The following GREB1 variants were observed in gnomAD, a reference collection of about 807,000 sequenced individuals.
GREB1 encodes protein GREB1.
A neutral mutation model predicts 200.7 loss-of-function variants in GREB1; 106 were observed. The ratio of observed to expected loss-of-function variants is 0.53; its 90% CI spans 0.45 to 0.62. The LOEUF (loss-of-function observed/expected upper bound fraction) is 0.62, where lower values mean the gene tolerates loss of function less well. Ranked by LOEUF, GREB1 falls within the 20% of genes least tolerant of loss-of-function variation. The probability of loss-of-function intolerance (pLI) is 0.00; values close to 1 mark genes in which losing one functional copy is unlikely to be tolerated. For synonymous variants in GREB1, 1,132 were observed against 1,092.4 expected, an observed-to-expected ratio of 1.04 and a Z score of -0.72; for missense variants, 2,243 against 2,556.8, an observed-to-expected ratio of 0.88 and a Z score of 2.65.
intron 1 of GREB1, among the ~76,000 whole-genome samples, chr2:11,552,752 C>A: frequency 6.6e-6 from 1 of 152,308 alleles, no homozygotes; most frequent in South Asian, 2.1e-4. Flanking sequence ...TGGCTCACGC[C>A]TGTAATCCCA....
intron 1 of GREB1, among the ~76,000 whole-genome samples, chr2:11,506,062 T>C (rs1050061175): frequency 4.6e-5 from 7 of 152,178 alleles, no homozygotes; most frequent in African/African-American, 1.7e-4. Context: ...CTGTTGCGTT[T>C]GTTTATTGCT....
Position 11,592,837 on chromosome 2 carries a change from G to C in GREB1, c.1407G>C (p.Glu469Asp), listed in dbSNP as rs1450503587. Reference protein sequence around the residue: ...LEQIFLRSWRESHLTEIRQYQ... With the variant: ...LEQIFLRSWRDSHLTEIRQYQ... ...AGATCTTCCTGCGCTCTTGGCGCGA[G>C]TCGCACCTGACCGAGATCCGGCAGT... is the stretch of plus-strand genomic sequence containing the variant. The change falls in exon 11 of 33, where the codon GAG (glutamate) becomes GAC (aspartate). Residue 469 changes from glutamate (E) to aspartate (D), a missense_variant. Transcript: ENST00000381486. The C allele has an allele frequency of 1.3e-5, 20 of 1,595,896 alleles. No homozygotes were observed. The highest frequency in any genetic ancestry group is 1.7e-5 in the Non-Finnish European group (20 of 1,174,412).
chr2:11,596,084 C>G (rs1681180975), intron 12 of GREB1, 27 bp from the exon 13 acceptor site: 9 of 1,602,158 alleles, frequency 5.6e-6, no homozygotes, highest in Non-Finnish European at 7.7e-6. Context: ...ACATCAAAAA[C>G]CCATTTGTTT....
At chr2:11,589,643 C>T (rs914224231) in intron 10 of GREB1, among the ~76,000 whole-genome samples, 9 of 152,188 alleles carry the variant, frequency 5.9e-5, no homozygotes, top group Non-Finnish European at 8.8e-5. Flanking sequence ...GCCACCCTGG[C>T]GGCTATGTGG....
At chr2:11,588,677 G>A in intron 9 of GREB1, 69 bp from the exon 10 acceptor site, 1 of 1,406,448 alleles carries the variant, frequency 7.1e-7, no homozygotes. Flanking sequence ...CACCCCCAGA[G>A]AACCCACATG....
intron 15 of GREB1, among the ~76,000 whole-genome samples, 195 bp from the exon 16 acceptor site, chr2:11,600,605 G>A (rs901397808): frequency 1.1e-4 from 16 of 152,124 alleles, no homozygotes; most frequent in African/African-American, 2.9e-4. Context: ...CCTAAGTAAC[G>A]AATCTCAGGA....
At chr2:11,509,804 T>C (rs772925992) in intron 1 of GREB1, among the ~76,000 whole-genome samples, 4 of 152,208 alleles carry the variant, frequency 2.6e-5, no homozygotes, top group African/African-American at 4.8e-5. Context: ...CACCAGACAC[T>C]GAGTCTGCTG....
chr2:11,498,219 G>A (rs1672940067), intron 1 of GREB1, among the ~76,000 whole-genome samples: 1 of 151,772 alleles, frequency 6.6e-6, no homozygotes, highest in African/African-American at 2.4e-5. Context: ...TTCCAGAAGT[G>A]TTATAGTTTT....
Position 11,642,730 on chromosome 2 carries a change from C to G in GREB1, c.*2276C>G, listed in dbSNP as rs1393990373. 6.6e-6 allele frequency: 1 copy of G among 152,068 alleles called. No homozygotes were observed. Among genetic ancestry groups the G allele is most frequent in the Non-Finnish European group, 1.5e-5 (1 of 68,038 alleles). The allele number at this position is 152,068 out of a possible 1,614,324, so 9.4% of individuals were successfully genotyped here. A position where few individuals can be genotyped will look rare whatever the true frequency, so the allele number is the denominator to read the frequency against. ...ATTAGTTAATTTAAATTGGAAAAAA[C>G]CCTCAAACTAATATTCTTGTCTGTT... On this transcript the variant is annotated 3_prime_UTR_variant, in exon 33 of 33. Coordinates refer to ENST00000381486, the MANE Select transcript of GREB1 (RefSeq NM_014668.4).
At chr2:11,606,718 A>AATC (rs984557324) in intron 17 of GREB1, among the ~76,000 whole-genome samples, 2 of 151,246 alleles carry the variant, frequency 1.3e-5, no homozygotes, top group African/African-American at 4.9e-5. Context: ...CAAATGTGAC[A>AATC]ATCTCTGCCT....
At chr2:11,504,044 AATATACTGTAAT>A (rs1673115229) in intron 1 of GREB1, among the ~76,000 whole-genome samples, 1 of 152,228 alleles carries the variant, frequency 6.6e-6, no homozygotes, top group African/African-American at 2.4e-5. Context: ...CAATTATAGC[AATATACTGTAAT>A]AAAAGTTAAG....
chr2:11,595,959 T>G (rs1681170293), intron 12 of GREB1, 152 bp from the exon 13 acceptor site: 5 of 662,268 alleles, frequency 7.5e-6, no homozygotes, highest in Non-Finnish European at 1.3e-5. Context: ...TCATCCTGAC[T>G]AGGCTGAGAC....
At chr2:11,636,799 G>C (rs1406200917) in intron 30 of GREB1, among the ~76,000 whole-genome samples, 1 of 146,442 alleles carries the variant, frequency 6.8e-6, no homozygotes. Context: ...CATGGGCAGG[G>C]GCAGAGGCAG....
intron 1 of GREB1, among the ~76,000 whole-genome samples, chr2:11,544,880 T>C (rs1343795927): frequency 3.9e-5 from 6 of 152,196 alleles, no homozygotes; most frequent in Non-Finnish European, 2.9e-5. Flanking sequence ...AGTAGTGCGT[T>C]CTCAGCTCAC....
intron 17 of GREB1, among the ~76,000 whole-genome samples, chr2:11,609,469 A>T (rs1056194740): frequency 6.6e-6 from 1 of 151,998 alleles, no homozygotes; most frequent in Non-Finnish European, 1.5e-5. Flanking sequence ...GGGTTTCATC[A>T]TGTTGGCCAG....
intron 1 of GREB1, among the ~76,000 whole-genome samples, chr2:11,509,546 A>G (rs780798509): frequency 1.1e-4 from 17 of 152,110 alleles, no homozygotes; most frequent in Non-Finnish European, 2.1e-4. Flanking sequence ...TATTATACCA[A>G]TTATCCAGTT....
chr2:11,585,146 C>T lies in GREB1; in HGVS notation c.902-15C>T. The stretch of plus-strand genomic sequence containing the variant: ...TCCTGGTGATAGCCTAATCCACACT[C>T]TGAATATTGTCTAGGTATCTTGTCA... On this transcript the variant is annotated splice_polypyrimidine_tract_variant and intron_variant, in intron 7 of 32. Transcript: ENST00000381486. 1.4e-6 allele frequency: 2 copies of T among 1,471,754 alleles called. No homozygotes were observed. Among genetic ancestry groups the T allele is most frequent in the Non-Finnish European group, 1.8e-6 (2 of 1,084,536 alleles). 91.2% of individuals were successfully genotyped at this position (1,471,754 alleles called of 1,614,324 possible).
At chr2:11,536,966 T>C (rs1485722828) in intron 1 of GREB1, among the ~76,000 whole-genome samples, 2 of 152,214 alleles carry the variant, frequency 1.3e-5, no homozygotes. Context: ...TTTTCTTTTT[T>C]TTTATTTTTC....
At position 11,616,670 on chromosome 2, in the gene GREB1, G is replaced by C. The variant is rs1241148926; in HGVS notation, c.3362G>C (p.Arg1121Thr). The C allele has an allele frequency of 1.2e-6, 2 of 1,613,244 alleles. No individual in the cohort carries two copies. Among genetic ancestry groups the C allele is most frequent in the Non-Finnish European group, 1.7e-6 (2 of 1,179,294 alleles). ...AAGAGAAGCCCCATGAAAAGGGAGA[G>C]GTCCCGCTCCCACGACTCAGCATCC... The part of the protein sequence containing the change: ...SEKRSPMKRE[R>T]SRSHDSASSS... The change falls in exon 21 of 33, where the codon AGG becomes ACG. Residue 1121 changes from arginine (R) to threonine (T), a missense_variant. By Grantham distance (71) the Arg-to-Thr change is moderately conservative. Around this residue, in one of 3 missense-constraint regions of GREB1, gnomAD observed 587 missense variants for 553.1 expected, o/e 1.06. Transcript: ENST00000381486.
Sources: allele counts gnomAD v4.1 joint callset (sites outside exome capture counted in the v4.1 genomes callset), GRCh38; gene constraint gnomAD v4.1.1; regional missense constraint gnomAD v4.1.1; transcripts MANE v1.5; gene names NCBI Gene and HGNC (gene_info 2026-07-23, HGNC 2026-07-21).